The following DBNL variants were observed in gnomAD, a reference collection of about 807,000 sequenced individuals.
DBNL encodes drebrin-like protein.
A neutral mutation model predicts 62.2 loss-of-function variants in DBNL; 35 were observed. The observed-to-expected ratio is 0.56, with a 90% CI of 0.43 to 0.75. DBNL has a LOEUF of 0.75. DBNL is among the 30% of genes least tolerant of loss of function. The pLI is 0.00. For missense variants in DBNL, 495 were observed against 578.4 expected (o/e 0.86, Z 1.48); for synonymous variants, 197 against 218.0 (o/e 0.90, Z 0.85).
At chr7:44,055,730 G>C (rs1198163987) in intron 4 of DBNL, among the ~76,000 whole-genome samples, 1 of 152,100 alleles carries the variant, frequency 6.6e-6, no homozygotes, top group African/African-American at 2.4e-5. Flanking sequence ...TATCTGTTAA[G>C]GTCTTTTGCC....
Position 44,060,819 on chromosome 7 carries a change from C to G in DBNL, c.1196C>G (p.Thr399Arg). The G allele has an allele frequency of 6.2e-7, 1 of 1,614,042 alleles. No homozygotes were observed. The change falls in exon 13 of 13, where the codon ACG (threonine) becomes AGG (arginine). Residue 399 changes from threonine (T) to arginine (R), a missense_variant. Thr to Arg is a moderately conservative substitution (Grantham distance 71). Coordinates refer to ENST00000448521, the MANE Select transcript of DBNL (RefSeq NM_001014436.3). This position sits in a 1 kb window ranked among gnomAD's most constrained non-coding sequence, Gnocchi z 6.3. ...EISFDPENLI[T>R]GIEVIDEGWW... ...TCCTTTGACCCCGAGAACCTCATCACGGGCATCGAGGTGATCGACGAAGGC... is the reference window on the plus strand; with the variant it reads ...TCCTTTGACCCCGAGAACCTCATCAGGGGCATCGAGGTGATCGACGAAGGC...
chr7:44,050,564 G>A (rs778362193), intron 2 of DBNL: 21 of 347,534 alleles, frequency 6.0e-5, no homozygotes, highest in Non-Finnish European at 7.8e-5. Context: ...TGGGAGCTGC[G>A]GTGGGAAGCT....
chr7:44,045,596 C>G (rs1190458514), intron 1 of DBNL, among the ~76,000 whole-genome samples: 2 of 152,218 alleles, frequency 1.3e-5, no homozygotes, highest in South Asian at 4.1e-4. Flanking sequence ...AGGTGACCAA[C>G]TTTGGGGAAT....
chr7:44,053,147 C>T (rs1230247506), intron 4 of DBNL, among the ~76,000 whole-genome samples: 7 of 152,222 alleles, frequency 4.6e-5, no homozygotes, highest in African/African-American at 1.4e-4. Context: ...GTTGCCAGGG[C>T]CACCTACAGG....
Position 44,068,570 on chromosome 7 carries a change from T to C in DBNL, c.*7654T>C, listed in dbSNP as rs10236567. ...AGGTTATCCAAAATAACCCAGTGTA[T>C]GAAAACCAGGAAAATCTTAACATGG... On this transcript the variant is annotated 3_prime_UTR_variant, in exon 13 of 13. Transcript: ENST00000448521. 1.3e-5 allele frequency: 2 copies of C among 152,050 alleles called. No homozygotes were observed. The highest frequency in any genetic ancestry group is 2.9e-5 in the Non-Finnish European group (2 of 67,996). 9.4% of individuals were successfully genotyped at this position (152,050 alleles called of 1,614,324 possible).
intron 3 of DBNL, among the ~76,000 whole-genome samples, chr7:44,052,231 C>A (rs1310885713): frequency 2.0e-5 from 3 of 152,062 alleles, no homozygotes; most frequent in Admixed American, 6.5e-5. Context: ...GGTGGTTGTT[C>A]TGATGGAGTA....
intron 4 of DBNL, 148 bp downstream of exon 4, chr7:44,053,089 C>A: frequency 9.3e-7 from 1 of 1,074,712 alleles, no homozygotes; most frequent in Non-Finnish European, 1.3e-6. Flanking sequence ...GAGGGCATGA[C>A]CAGAGGCTGC....
At chr7:44,057,487 A>G (rs987145720) in intron 5 of DBNL, among the ~76,000 whole-genome samples, 6 of 152,114 alleles carry the variant, frequency 3.9e-5, no homozygotes, top group Non-Finnish European at 8.8e-5. Context: ...CAGGTGGGGT[A>G]TGGGGGCCTT....
chr7:44,045,728 C>T (rs1200391701), intron 1 of DBNL, among the ~76,000 whole-genome samples: 1 of 152,212 alleles, frequency 6.6e-6, no homozygotes, highest in African/African-American at 2.4e-5. Context: ...TTTCTCATCT[C>T]CTCTGCTCTC....
rs184237974 is a variant in DBNL, at chr7:44,061,328, A to G, written c.*412A>G. The stretch of plus-strand genomic sequence containing the variant: ...TAAGGGGTGGTGGCCACCACTGTTT[A>G]GAATGACCCTTGGGAACAGTGAACG... On this transcript the variant is annotated 3_prime_UTR_variant, in exon 13 of 13. Transcript: ENST00000448521. The G allele has an allele frequency of 1.0e-4, 21 of 203,050 alleles. No individual in the cohort carries two copies. Among genetic ancestry groups the G allele is most frequent in the Admixed American group, 2.1e-4 (4 of 18,884 alleles). The allele number at this position is 203,050 out of a possible 1,614,324, so 12.6% of individuals were successfully genotyped here.
rs2096143430 is a variant in DBNL at position 44,059,305 on chromosome 7, T to G, written c.836-49T>G. 6.3e-7 allele frequency: 1 copy of G among 1,580,080 alleles called. No homozygotes were observed. Among genetic ancestry groups the G allele is most frequent in the Admixed American group, 1.7e-5 (1 of 59,144 alleles). On this transcript the variant is annotated intron_variant, in intron 9 of 12. Transcript: ENST00000448521. The surrounding 1 kb of genome is among the most constrained non-coding windows in gnomAD (Gnocchi z 4.1). ...TGGAGGGTGCTGTGGGGTGCGTGGG[T>G]GTGTGGTGGTGTTTCTGAAGTGATG... is the stretch of plus-strand genomic sequence containing the variant.
intron 3 of DBNL, 96 bp downstream of exon 3, chr7:44,052,038 C>A: frequency 6.7e-6 from 7 of 1,038,898 alleles, no homozygotes; most frequent in South Asian, 1.4e-5. Context: ...GTTTTACTGG[C>A]ATGACTTAGT....
chr7:44,052,236 GGAGTA>G (rs1235831251), intron 3 of DBNL, among the ~76,000 whole-genome samples: 1 of 152,078 alleles, frequency 6.6e-6, no homozygotes, highest in Non-Finnish European at 1.5e-5. Context: ...TTGTTCTGAT[GGAGTA>G]GAGAGCCTGA....
At position 44,050,294 on chromosome 7, in the gene DBNL, C is replaced by T. The variant is rs770180199; in HGVS notation, c.139+14C>T. 3.8e-5 allele frequency: 62 copies of T among 1,613,416 alleles called. No homozygotes were observed. The highest frequency in any genetic ancestry group is 5.2e-5 in the Non-Finnish European group (61 of 1,179,514). On this transcript the variant is annotated intron_variant, in intron 2 of 12. Coordinates refer to ENST00000448521, the MANE Select transcript of DBNL (RefSeq NM_001014436.3). Reference sequence around the variant, plus strand: ...CTGGCACAGGGGGTGAGTATGACTCCAAATGGACTCAGGGACACCAGGAGG... The same window carrying T: ...CTGGCACAGGGGGTGAGTATGACTCTAAATGGACTCAGGGACACCAGGAGG...
rs1309360392 is a variant in DBNL at position 44,066,059 on chromosome 7, G to T, written c.*5143G>T. 2 of 219,210 alleles carry T rather than the reference G, an allele frequency of 9.1e-6. No homozygotes were observed. The highest frequency in any genetic ancestry group is 4.5e-5 in the African/African-American group (2 of 44,058). 13.6% of individuals were successfully genotyped at this position (219,210 alleles called of 1,614,324 possible). ...GTGCAGACCACAGCTTTGTGGAGAG[G>T]AGTCTGGCCTTGTGGAAGGTACCAG... On this transcript the variant is annotated 3_prime_UTR_variant, in exon 13 of 13. Transcript: ENST00000448521.
At position 44,066,577 on chromosome 7, in the gene DBNL, C is replaced by G. The variant is rs2096160473; in HGVS notation, c.*5661C>G. 6.6e-6 allele frequency: 1 copy of G among 152,388 alleles called. No homozygotes were observed. The highest frequency in any genetic ancestry group is 6.5e-5 in the Admixed American group (1 of 15,292). 9.4% of individuals were successfully genotyped at this position (152,388 alleles called of 1,614,324 possible). On this transcript the variant is annotated 3_prime_UTR_variant, in exon 13 of 13. Transcript: ENST00000448521. ...GACCACACTGTCACCTGCGACACTT[C>G]TGATAACAGGAGCGGGTAGGTGAGA... is the stretch of plus-strand genomic sequence containing the variant.
At chr7:44,058,733 A>G (rs2096141937) in intron 8 of DBNL, 169 bp from the exon 9 acceptor site, 1 of 860,334 alleles carries the variant, frequency 1.2e-6, no homozygotes, top group African/African-American at 1.7e-5. Context: ...TTCCTTTTTT[A>G]ACGTTACTTT....
intron 2 of DBNL, chr7:44,050,499 A>G (rs113233809): frequency 1.1e-5 from 5 of 455,128 alleles, no homozygotes; most frequent in South Asian, 2.2e-5. Context: ...CTCTTTGTCT[A>G]CTTGGGGAGA....
chr7:44,052,822 G>A, intron 3 of DBNL, 45 bp from the exon 4 acceptor site: 1 of 1,610,828 alleles, frequency 6.2e-7, no homozygotes. Context: ...AAGGGAAGTG[G>A]CTTTGGGGGA....
Sources: gnomAD v4.1 joint callset for allele counts (sites outside exome capture counted in the v4.1 genomes callset) on GRCh38, gnomAD v4.1.1 for gene constraint, Gnocchi (gnomAD v3.1) non-coding constraint, MANE v1.5 for transcripts, NCBI Gene and HGNC (gene_info 2026-07-23, HGNC 2026-07-21) for gene names.